The following LARGE1 variants were observed in gnomAD, a reference collection of about 807,000 sequenced individuals.
LARGE1 encodes LARGE xylosyl- and glucuronyltransferase 1, also known as xylosyl- and glucuronyltransferase LARGE1.
LARGE1 carries 43 observed loss-of-function variants against 87.6 expected under a neutral mutation model. The observed-to-expected ratio is 0.49, with a 90% CI of 0.38 to 0.63. The LOEUF is 0.63. Ranked by LOEUF, LARGE1 falls within the 30% of genes least tolerant of loss-of-function variation. The pLI is 0.00. For synonymous variants in LARGE1, 434 were observed against 394.6 expected, an observed-to-expected ratio of 1.10 and a Z score of -1.18; for missense variants, 802 against 1,000.2, an observed-to-expected ratio of 0.80 and a Z score of 2.67.
the LARGE1 span, among the ~76,000 whole-genome samples, chr22:33,139,231 T>C: frequency 6.6e-6 from 1 of 152,192 alleles, no homozygotes; most frequent in Non-Finnish European, 1.5e-5. Flanking sequence ...TGGTATCTCA[T>C]TGTGCTTTTA....
intron 7 of LARGE1, among the ~76,000 whole-genome samples, chr22:33,427,697 A>T (rs934585220): frequency 2.0e-5 from 3 of 152,222 alleles, no homozygotes; most frequent in Non-Finnish European, 4.4e-5. Flanking sequence ...TAGGGGGATA[A>T]ATAAAAATCA....
Position 33,353,292 on chromosome 22 carries a change from T to C in LARGE1, c.1132-15491A>G, listed in dbSNP as rs889290546. 2.6e-5 allele frequency among the ~76,000 whole-genome samples: 4 copies of C among 152,214 alleles called. No individual in the cohort carries two copies. In the East Asian group the frequency reaches 7.7e-4, roughly 29 times the overall value. On this transcript the variant is annotated intron_variant, in intron 9 of 14. Transcript: ENST00000397394. ...AAAGTCGGTCTTAAGCTTGACAATG[T>C]TTCACTGAACTCTGTGAAAAGAGGT...
intron 4 of LARGE1, among the ~76,000 whole-genome samples, chr22:33,617,823 C>T (rs9306281): frequency 0.7 from 106,231 of 152,070 alleles, 37,130 homozygotes; most frequent in Admixed American, 0.77. Context: ...TAATGAGCAA[C>T]GCTTCTGCTC....
At chr22:33,327,282 G>C (rs1489096341) in intron 10 of LARGE1, among the ~76,000 whole-genome samples, 1 of 152,174 alleles carries the variant, frequency 6.6e-6, no homozygotes, top group Non-Finnish European at 1.5e-5. Flanking sequence ...CGTGGCCTTG[G>C]AAGTGGCCTG....
At chr22:33,772,152 T>G (rs1601580531) in intron 1 of LARGE1, among the ~76,000 whole-genome samples, 1 of 152,204 alleles carries the variant, frequency 6.6e-6, no homozygotes, top group African/African-American at 2.4e-5. Flanking sequence ...GCTAACACAG[T>G]GAAACCCCGT....
At chr22:33,381,880 C>T in intron 9 of LARGE1, 39 bp downstream of exon 9, 1 of 1,613,318 alleles carries the variant, frequency 6.2e-7, no homozygotes, top group East Asian at 2.2e-5. Context: ...CTCGGCCCAC[C>T]TCACCCTACC....
At chr22:33,590,576 C>T (rs1461862862) in intron 5 of LARGE1, among the ~76,000 whole-genome samples, 2 of 152,222 alleles carry the variant, frequency 1.3e-5, no homozygotes. Context: ...CACCACACCA[C>T]CCTCTGGCTC....
chr22:33,179,609 T>C (rs957456209), intron 11 of LARGE1, among the ~76,000 whole-genome samples: 7 of 152,188 alleles, frequency 4.6e-5, no homozygotes, highest in Non-Finnish European at 8.8e-5. Flanking sequence ...TCCTGGTAGC[T>C]CCTTAAATCA....
chr22:33,865,306 CTCT>C (rs1285825411), intron 1 of LARGE1, among the ~76,000 whole-genome samples: 1 of 152,224 alleles, frequency 6.6e-6, no homozygotes, highest in Non-Finnish European at 1.5e-5. Context: ...GCCGGACCTT[CTCT>C]TCTTCTCACT....
At chr22:33,382,618 GTT>G (rs2065195223) in intron 8 of LARGE1, among the ~76,000 whole-genome samples, 1 of 152,148 alleles carries the variant, frequency 6.6e-6, no homozygotes, top group Non-Finnish European at 1.5e-5. Flanking sequence ...GTCTAGGGAG[GTT>G]TTACCTTTTT....
At chr22:33,669,664 C>T (rs1300720362) in intron 2 of LARGE1, among the ~76,000 whole-genome samples, 1 of 152,180 alleles carries the variant, frequency 6.6e-6, no homozygotes, top group East Asian at 1.9e-4. Flanking sequence ...AGATCTGCTC[C>T]CTGTGACTGG....
At chr22:33,662,606 G>A in intron 2 of LARGE1, among the ~76,000 whole-genome samples, 1 of 152,160 alleles carries the variant, frequency 6.6e-6, no homozygotes, top group Non-Finnish European at 1.5e-5. Context: ...GATGGGGCTG[G>A]TAAAAAGAGG....
rs541158300 is a variant in LARGE1 at position 33,402,362 on chromosome 22, G to A, written c.893-18058C>T. Among the ~76,000 whole-genome samples, 3 of 152,318 alleles carry A rather than the reference G, an allele frequency of 2.0e-5. No homozygotes were observed. In the East Asian group the frequency reaches 5.8e-4, roughly 29 times the overall value. ...AGCCTGAGGTCAGGAAGCTTATGCA[G>A]TGGCAGAATACAGGCTTGAATAAAA... On this transcript the variant is annotated intron_variant, in intron 7 of 14. Transcript: ENST00000397394.
chr22:33,695,193 TC>T (rs1317640124), intron 2 of LARGE1, among the ~76,000 whole-genome samples: 1 of 150,946 alleles, frequency 6.6e-6, no homozygotes, highest in East Asian at 2.0e-4. Flanking sequence ...AACCTCTGCC[TC>T]CCGGGTTCAA....
chr22:33,334,299 G>A (rs1256329516), intron 10 of LARGE1, among the ~76,000 whole-genome samples: 1 of 151,004 alleles, frequency 6.6e-6, no homozygotes, highest in African/African-American at 2.4e-5. Context: ...CTGTAGCCCT[G>A]GCTACTCAGG....
chr22:33,831,959 C>G (rs1328684132), intron 1 of LARGE1, among the ~76,000 whole-genome samples: 1 of 152,180 alleles, frequency 6.6e-6, no homozygotes, highest in Non-Finnish European at 1.5e-5. Context: ...CTCTCTTTCA[C>G]ACCTCAAACG....
At chr22:33,276,992 C>A in intron 14 of LARGE1, 68 bp downstream of exon 14, 2 of 1,442,708 alleles carry the variant, frequency 1.4e-6, no homozygotes. Context: ...CTCCAAGGAT[C>A]CCTTAAGCTC....
intron 2 of LARGE1, among the ~76,000 whole-genome samples, chr22:33,728,677 T>C (rs561929955): frequency 8.6e-5 from 13 of 151,160 alleles, no homozygotes; most frequent in Non-Finnish European, 1.6e-4. Flanking sequence ...CAGTAGGCAA[T>C]GCCTGTTAGG....
chr22:33,879,218 G>A (rs1440491395), intron 1 of LARGE1, among the ~76,000 whole-genome samples: 5 of 152,076 alleles, frequency 3.3e-5, no homozygotes, highest in African/African-American at 7.2e-5. Flanking sequence ...TGCCCGCCTC[G>A]GCCTCCCAAA....
Sources: gnomAD v4.1 joint callset for allele counts (sites outside exome capture counted in the v4.1 genomes callset) on GRCh38, gnomAD v4.1.1 for gene constraint, MANE v1.5 for transcripts, NCBI Gene and HGNC (gene_info 2026-07-23, HGNC 2026-07-21) for gene names.